Variants in DENND2C observed in about 807,000 individuals in gnomAD.
The protein encoded by DENND2C is DENN domain containing 2C.
DENND2C carries 72 observed loss-of-function variants against 112.4 expected under a neutral mutation model. That is an observed-to-expected ratio of 0.64 (90% CI 0.53 to 0.78). The LOEUF (loss-of-function observed/expected upper bound fraction) is 0.78, where lower values mean the gene tolerates loss of function less well. DENND2C is among the 30% of genes least tolerant of loss of function. The pLI is 0.00. For synonymous variants in DENND2C, 329 were observed against 381.6 expected, an observed-to-expected ratio of 0.86 and a Z score of 1.61; for missense variants, 992 against 1,113.8, an observed-to-expected ratio of 0.89 and a Z score of 1.56.
chr1:114,633,060 A>G (rs977372657), intron 3 of DENND2C, among the ~76,000 whole-genome samples: 1 of 152,210 alleles, frequency 6.6e-6, no homozygotes, highest in Non-Finnish European at 1.5e-5. Flanking sequence ...ATTTACAACA[A>G]TGTGGAAATA....
chr1:114,596,841 G>A (rs975649147), intron 16 of DENND2C, among the ~76,000 whole-genome samples: 3 of 151,916 alleles, frequency 2.0e-5, no homozygotes, highest in Non-Finnish European at 2.9e-5. Flanking sequence ...CGACACAGAC[G>A]GTTATCCATA....
chr1:114,653,798 A>G (rs1657234360), intron 2 of DENND2C, among the ~76,000 whole-genome samples: 1 of 152,196 alleles, frequency 6.6e-6, no homozygotes, highest in Non-Finnish European at 1.5e-5. Context: ...TATCACTTCC[A>G]ATAATTTATC....
chr1:114,622,098 C>T (rs912742148), intron 6 of DENND2C, 33 bp from the exon 7 acceptor site: 4 of 1,490,122 alleles, frequency 2.7e-6, no homozygotes, highest in East Asian at 2.5e-5. Flanking sequence ...GGTAAGATCA[C>T]CTAGTTTTGC....
intron 10 of DENND2C, 38 bp downstream of exon 10, chr1:114,608,648 G>C: frequency 3.1e-6 from 5 of 1,597,702 alleles, no homozygotes; most frequent in Non-Finnish European, 3.4e-6. Context: ...AGAGACACAG[G>C]AACATTCCTG....
chr1:114,656,287 TG>T (rs1291682608), intron 1 of DENND2C, among the ~76,000 whole-genome samples: 1 of 152,126 alleles, frequency 6.6e-6, no homozygotes, highest in East Asian at 1.9e-4. Context: ...TTGTCCAAGC[TG>T]GTCTTAAACT....
chr1:114,603,268 G>A (rs1361531056), intron 11 of DENND2C, among the ~76,000 whole-genome samples: 6 of 151,908 alleles, frequency 3.9e-5, no homozygotes, highest in Admixed American at 2.6e-4. Context: ...AGCCTCCCGA[G>A]TAGTGGGACT....
At chr1:114,597,301 G>A (rs763249384) in intron 16 of DENND2C, among the ~76,000 whole-genome samples, 16 of 148,368 alleles carry the variant, frequency 1.1e-4, no homozygotes, top group South Asian at 8.6e-4. Context: ...AAAATTAGCC[G>A]GGCGTGGTAG....
chr1:114,619,312 T>C (rs1656093431), intron 7 of DENND2C, among the ~76,000 whole-genome samples: 1 of 151,922 alleles, frequency 6.6e-6, no homozygotes, highest in Non-Finnish European at 1.5e-5. Context: ...TCTTTTTTTC[T>C]TAAAATTCCA....
In DENND2C at chr1:114,600,238, C is replaced by T; in HGVS notation, c.2071G>A (p.Glu691Lys). Residue 691 changes from glutamate to lysine, a missense_variant, in exon 15 of 21, where the codon GAG (glutamate) becomes AAG (lysine). Transcript: ENST00000393274. ...LIRVCASLLLERRVIFVANSL... is the reference protein window; with the variant it reads ...LIRVCASLLLKRRVIFVANSL... ...TTGGCAACAAAGATTACCCTACGCT[C>T]CAAAAGGAGAGAGGCACAGACCCGG... is the stretch of plus-strand genomic sequence containing the variant. 1 of 1,614,032 alleles carries T rather than the reference C, an allele frequency of 6.2e-7. No homozygotes were observed. The highest frequency in any genetic ancestry group is 8.5e-7 in the Non-Finnish European group (1 of 1,179,980).
chr1:114,630,311 A>AAAAAG (rs570722619), intron 3 of DENND2C, among the ~76,000 whole-genome samples: 34 of 152,242 alleles, frequency 2.2e-4, no homozygotes, highest in Non-Finnish European at 4.0e-4. Flanking sequence ...GTTCAAAAAA[A>AAAAAG]AAAAGAAAAG....
At chr1:114,652,597 C>T (rs1292269339) in intron 2 of DENND2C, among the ~76,000 whole-genome samples, 2 of 150,612 alleles carry the variant, frequency 1.3e-5, no homozygotes, top group African/African-American at 4.9e-5. Flanking sequence ...GCTGAAGTCT[C>T]TTATATAAAA....
intron 8 of DENND2C, among the ~76,000 whole-genome samples, chr1:114,616,909 C>T (rs1655986818): frequency 6.6e-6 from 1 of 152,076 alleles, no homozygotes; most frequent in Non-Finnish European, 1.5e-5. Context: ...ATTCGACTTA[C>T]AGTTCCATAT....
At chr1:114,642,294 A>T (rs971097666) in intron 3 of DENND2C, among the ~76,000 whole-genome samples, 6 of 152,182 alleles carry the variant, frequency 3.9e-5, no homozygotes, top group Non-Finnish European at 5.9e-5. Context: ...GCAAGAGATA[A>T]GATAAAGTCT....
intron 20 of DENND2C, among the ~76,000 whole-genome samples, chr1:114,586,541 A>T (rs1248774746): frequency 6.6e-6 from 1 of 152,106 alleles, no homozygotes; most frequent in Non-Finnish European, 1.5e-5. Flanking sequence ...GGGATCCCAA[A>T]TTTTGAGAAA....
At chr1:114,600,676 T>C (rs1339146400) in intron 14 of DENND2C, 144 bp downstream of exon 14, 3 of 1,146,610 alleles carry the variant, frequency 2.6e-6, no homozygotes, top group Non-Finnish European at 3.6e-6. Context: ...AACTGGATAT[T>C]TCTCCAGTGC....
intron 13 of DENND2C, 122 bp downstream of exon 13, chr1:114,601,386 G>T: frequency 1.1e-6 from 1 of 908,492 alleles, no homozygotes; most frequent in Non-Finnish European, 1.7e-6. Context: ...TAAGCCTTCA[G>T]GCACGTGGTT....
At position 114,587,715 on chromosome 1, in the gene DENND2C, C is replaced by A; in HGVS notation, c.2668+1G>T. 6.2e-7 allele frequency: 1 copy of A among 1,605,472 alleles called. No individual in the cohort carries two copies. Among genetic ancestry groups the A allele is most frequent in the Non-Finnish European group, 8.5e-7 (1 of 1,174,798 alleles). ...AGGGAGAACTTTATAATGAAACTGA[C>A]CTTTAACTCCACTTTTCCGAAGCTC... On this transcript the variant is annotated splice_donor_variant, in intron 19 of 20. Transcript: ENST00000393274. LOFTEE classifies it high-confidence loss of function.
chr1:114,658,472 G>C (rs1457158340), intron 1 of DENND2C, among the ~76,000 whole-genome samples: 1 of 152,032 alleles, frequency 6.6e-6, no homozygotes, highest in African/African-American at 2.4e-5. Flanking sequence ...TAAATAAATG[G>C]TTTCTAAAGG....
intron 18 of DENND2C, among the ~76,000 whole-genome samples, chr1:114,594,000 C>A (rs933016953): frequency 3.3e-4 from 50 of 152,234 alleles, no homozygotes; most frequent in African/African-American, 1.2e-3. Context: ...TTATTGAGTA[C>A]CTATTTACCG....
Sources: allele counts gnomAD v4.1 joint callset (sites outside exome capture counted in the v4.1 genomes callset), GRCh38; gene constraint gnomAD v4.1.1; transcripts MANE v1.5; gene names NCBI Gene and HGNC (gene_info 2026-07-23, HGNC 2026-07-21).